Variants in PMEPA1 observed in about 807,000 individuals in gnomAD.
PMEPA1 encodes the protein protein TMEPAI.
PMEPA1 carries 11 observed loss-of-function variants against 23.0 expected under a neutral mutation model. The observed-to-expected ratio is 0.48, with a 90% confidence interval of 0.30 to 0.79. The LOEUF is 0.79. PMEPA1 is among the 30% of genes least tolerant of loss of function. The pLI is 0.06. For missense variants in PMEPA1, 377 were observed against 390.9 expected (o/e 0.96, Z 0.30); for synonymous variants, 204 against 166.4 (o/e 1.23, Z -1.74).
rs766819571 is a variant in PMEPA1, at chr20:57,652,590, G to C, written c.327C>G (p.Val109=). The change falls in exon 4 of 4, where the codon GTC becomes GTG. Residue 109 remains valine, a synonymous_variant. Coordinates refer to ENST00000341744, the MANE Select transcript of PMEPA1 (RefSeq NM_020182.5). This position sits in a 1 kb window ranked among gnomAD's most constrained non-coding sequence, Gnocchi z 6.1. ...GGTCGGTGGGCCGAGGCGGGGCGTA[G>C]ACCTGCGGCTGGAGGAAGCAGAGCG... is the stretch of plus-strand genomic sequence containing the variant. ...VSGNGIPEPQ[V]YAPPRPTDRL... 28 of 1,483,602 alleles carry C rather than the reference G, an allele frequency of 1.9e-5. No individual in the cohort carries two copies. Among genetic ancestry groups the C allele is most frequent in the Non-Finnish European group, 2.5e-5 (28 of 1,118,110 alleles). 91.9% of individuals were successfully genotyped at this position (1,483,602 alleles called of 1,614,324 possible). A position where few individuals can be genotyped will look rare whatever the true frequency, so the allele number is the denominator to read the frequency against.
chr20:57,683,258 C>T lies in PMEPA1; in HGVS notation c.110-23561G>A, dbSNP rs922495905. Among the ~76,000 whole-genome samples, 4 of 152,148 alleles carry T rather than the reference C, an allele frequency of 2.6e-5. No individual in the cohort carries two copies. The highest frequency in any genetic ancestry group is 4.8e-5 in the African/African-American group (2 of 41,432). ...GCTCCCTAAACTCAAGCCAAGGGTG[C>T]GTTTTTGATGTGCTGAGAGAGGCCA... On this transcript the variant is annotated intron_variant, in intron 1 of 3. Transcript: ENST00000341744. The surrounding 1 kb of genome is among the most constrained non-coding windows in gnomAD (Gnocchi z 4.3).
At chr20:57,698,165 C>T (rs2071966049) in intron 1 of PMEPA1, among the ~76,000 whole-genome samples, 1 of 152,150 alleles carries the variant, frequency 6.6e-6, no homozygotes, top group Admixed American at 6.5e-5. Flanking sequence ...GAGAGATACA[C>T]CCGAGATAGG....
rs780627933 is a variant in PMEPA1, at chr20:57,652,408, C to T, written c.509G>A (p.Arg170Gln). Residue 170 changes from arginine (R) to glutamine (Q), a missense_variant, in exon 4 of 4, where the codon CGG (arginine) becomes CAG (glutamine). Transcript: ENST00000341744. The surrounding 1 kb of genome is among the most constrained non-coding windows in gnomAD (Gnocchi z 6.1). Reference protein sequence around the residue: ...PYQGPCTLQLRDPEQQLELNR... With the variant: ...PYQGPCTLQLQDPEQQLELNR... Reference sequence around the variant, plus strand: ...CAGTTCCAGCTGCTGCTCGGGGTCCCGAAGCTGGAGGGTGCAGGGGCCCTG... The same window carrying T: ...CAGTTCCAGCTGCTGCTCGGGGTCCTGAAGCTGGAGGGTGCAGGGGCCCTG... 1 of 1,613,638 alleles carries T rather than the reference C, an allele frequency of 6.2e-7. No individual in the cohort carries two copies. The highest frequency in any genetic ancestry group is 8.5e-7 in the Non-Finnish European group (1 of 1,179,864).
At chr20:57,661,872 C>A (rs376290958) in intron 1 of PMEPA1, among the ~76,000 whole-genome samples, 2 of 152,078 alleles carry the variant, frequency 1.3e-5, no homozygotes, top group Non-Finnish European at 2.9e-5. Flanking sequence ...TCCTTCTTCC[C>A]CAACAGGTTT....
intron 1 of PMEPA1, among the ~76,000 whole-genome samples, chr20:57,689,697 C>T (rs1320293981): frequency 6.6e-6 from 1 of 152,232 alleles, no homozygotes; most frequent in Non-Finnish European, 1.5e-5. Context: ...GCTCCGGGGA[C>T]AAGGGGACCC....
intron 1 of PMEPA1, chr20:57,691,662 G>A (rs1183434816): frequency 6.6e-6 from 1 of 152,194 alleles, no homozygotes; most frequent in Non-Finnish European, 1.5e-5. Context: ...TTGCAGCAGA[G>A]GTGGGAATAG....
rs1416498268 is a variant in PMEPA1 at position 57,651,465 on chromosome 20, C to G, written c.*588G>C. 1 of 152,626 alleles carries G rather than the reference C, an allele frequency of 6.6e-6. No individual in the cohort carries two copies. Among genetic ancestry groups the G allele is most frequent in the Non-Finnish European group, 1.5e-5 (1 of 68,044 alleles). The allele number at this position is 152,626 out of a possible 1,614,324, so 9.5% of individuals were successfully genotyped here. A position where few individuals can be genotyped will look rare whatever the true frequency, so the allele number is the denominator to read the frequency against. On this transcript the variant is annotated 3_prime_UTR_variant, in exon 4 of 4. Transcript: ENST00000341744. ...AAAATCTCAACATTTATATAAATAA[C>G]TCTAAACCCCTGCTTTGTAATTTTT... is the stretch of plus-strand genomic sequence containing the variant.
At chr20:57,705,228 A>G (rs73298696) in intron 1 of PMEPA1, among the ~76,000 whole-genome samples, 4,494 of 152,292 alleles carry the variant, frequency 0.03, 136 homozygotes, top group African/African-American at 0.079. Flanking sequence ...GTGCTTTGAC[A>G]AATGCTAAAC....
chr20:57,697,099 C>G (rs947339479), intron 1 of PMEPA1, among the ~76,000 whole-genome samples: 1 of 152,142 alleles, frequency 6.6e-6, no homozygotes, highest in Non-Finnish European at 1.5e-5. Context: ...GAAGGAACTG[C>G]CTTGGGACTC....
chr20:57,653,446 C>T (rs2146636167), intron 2 of PMEPA1, among the ~76,000 whole-genome samples: 1 of 152,372 alleles, frequency 6.6e-6, no homozygotes, highest in Admixed American at 6.5e-5. Flanking sequence ...CACCCCTGGC[C>T]CCACTCCCCT....
chr20:57,675,895 CT>C (rs2071630398), intron 1 of PMEPA1, among the ~76,000 whole-genome samples: 1 of 152,140 alleles, frequency 6.6e-6, no homozygotes, highest in South Asian at 2.1e-4. Flanking sequence ...CTTCCTCTTT[CT>C]TTTTCAGGCA....
At chr20:57,663,851 G>C (rs1415557726) in intron 1 of PMEPA1, among the ~76,000 whole-genome samples, 1 of 152,214 alleles carries the variant, frequency 6.6e-6, no homozygotes, top group East Asian at 1.9e-4. Flanking sequence ...CCTGGGCCAA[G>C]GAGGCCCCGA....
intron 2 of PMEPA1, 45 bp from the exon 3 acceptor site, chr20:57,653,131 G>C (rs1257326626): frequency 6.7e-7 from 1 of 1,495,198 alleles, no homozygotes; most frequent in Non-Finnish European, 9.1e-7. Flanking sequence ...GGGTGGGCAG[G>C]AGGGACAGCA....
At chr20:57,666,531 C>T (rs1020906835) in intron 1 of PMEPA1, among the ~76,000 whole-genome samples, 2 of 152,146 alleles carry the variant, frequency 1.3e-5, no homozygotes, top group South Asian at 2.1e-4. Flanking sequence ...ACCGTTTGCC[C>T]GACCCCCAGC....
chr20:57,652,079 CCTT>C lies in PMEPA1; in HGVS notation c.835_837del (p.Lys279del), dbSNP rs2071240733. On this transcript the variant is annotated inframe_deletion, in exon 4 of 4. Transcript: ENST00000341744. This position sits in a 1 kb window ranked among gnomAD's most constrained non-coding sequence, Gnocchi z 6.1. ...TAGAGAGGGTGTCCTTTCTGTTTAT[CCTT>C]CTCTTTGCTCCAGATGGCTGCGCTC... 6.5e-7 allele frequency: 1 copy of C among 1,528,546 alleles called. No homozygotes were observed. Among genetic ancestry groups the C allele is most frequent in the Non-Finnish European group, 8.8e-7 (1 of 1,133,644 alleles). 94.7% of individuals were successfully genotyped at this position (1,528,546 alleles called of 1,614,324 possible).
At chr20:57,659,201 A>G (rs1387956026) in intron 2 of PMEPA1, among the ~76,000 whole-genome samples, 3 of 152,196 alleles carry the variant, frequency 2.0e-5, no homozygotes, top group African/African-American at 7.2e-5. Context: ...CGTCAGCTCC[A>G]TGACAGCAAG....
rs796688926 is a variant in PMEPA1, at chr20:57,654,644, CCT to C, written c.265-1560_265-1559del. Among the ~76,000 whole-genome samples, 102 of 152,252 alleles carry C rather than the reference CCT, an allele frequency of 6.7e-4. 2 individuals carry two copies. The highest frequency in any genetic ancestry group is 3.4e-3 in the Middle Eastern group (1 of 294). On this transcript the variant is annotated intron_variant, in intron 2 of 3. Transcript: ENST00000341744. ...CCCTTGTTCCACCCACCCTTGATCC[CCT>C]CTCACTTCTCCTTCTATTAGACAGT...
rs1555882188 is a variant in PMEPA1 at position 57,683,560 on chromosome 20, T to TGTGTGTGC, written c.110-23864_110-23863insGCACACAC. 4.1e-4 allele frequency among the ~76,000 whole-genome samples: 39 copies of TGTGTGTGC among 95,676 alleles called. 1 individual carries two copies. The highest frequency in any genetic ancestry group is 1.0e-3 in the African/African-American group (35 of 34,048). The allele number at this position is 95,676 out of a possible 152,430, so 62.8% of individuals were successfully genotyped here. ...TGGTGTTCTGGCCTGTGTGCGTGTG[T>TGTGTGTGC]GTGTGTGTGTGTGTGTGTGTGTGTT... On this transcript the variant is annotated intron_variant, in intron 1 of 3. Transcript: ENST00000341744. This position sits in a 1 kb window ranked among gnomAD's most constrained non-coding sequence, Gnocchi z 4.3.
rs6092514 is a variant in PMEPA1, at chr20:57,652,259, C to G, written c.658G>C (p.Gly220Arg). Residue 220 changes from glycine to arginine, a missense_variant, in exon 4 of 4, where the codon GGC (glycine) becomes CGC (arginine). Physicochemically the swap from Gly to Arg is moderately radical, Grantham distance 125. Coordinates refer to ENST00000341744, the MANE Select transcript of PMEPA1 (RefSeq NM_020182.5). This position sits in a 1 kb window ranked among gnomAD's most constrained non-coding sequence, Gnocchi z 6.1. ...SNSGISATCY[G>R]SGGRMEGPPP... ...GGCCCCTCCATGCGCCCGCCGCTGC[C>G]GTAGCACGTGGCGCTGATGCCCGAG... The G allele has an allele frequency of 6.2e-7, 1 of 1,608,274 alleles. No individual in the cohort carries two copies. The highest frequency in any genetic ancestry group is 2.2e-5 in the East Asian group (1 of 44,840).
Sources: gnomAD v4.1 joint callset for allele counts (sites outside exome capture counted in the v4.1 genomes callset) on GRCh38, gnomAD v4.1.1 for gene constraint, Gnocchi (gnomAD v3.1) non-coding constraint, MANE v1.5 for transcripts, NCBI Gene and HGNC (gene_info 2026-07-23, HGNC 2026-07-21) for gene names.